LEF1: variants seen among roughly 807,000 people sequenced by gnomAD.
The protein encoded by LEF1 is lymphoid enhancer-binding factor 1.
Under a neutral mutation model 51.2 loss-of-function variants are expected in LEF1, and 14 were observed. The observed-to-expected ratio is 0.27, with a 90% CI of 0.18 to 0.43. The LOEUF is 0.43. Among genes scored for constraint, LEF1 ranks in the 20% least tolerant of loss-of-function variants. The probability of loss-of-function intolerance (pLI) is 1.00; values close to 1 mark genes in which losing one functional copy is unlikely to be tolerated. For synonymous variants in LEF1, 185 were observed against 183.2 expected (o/e 1.01, Z -0.08); for missense variants, 386 against 512.0 (o/e 0.75, Z 2.37).
intron 3 of LEF1, among the ~76,000 whole-genome samples, chr4:108,118,322 T>C (rs1741960785): frequency 6.6e-6 from 1 of 152,252 alleles, no homozygotes; most frequent in East Asian, 1.9e-4. Context: ...CATTTCTGCA[T>C]TTGCTAAACA....
intron 11 of LEF1, among the ~76,000 whole-genome samples, chr4:108,063,187 C>T (rs1737813234): frequency 6.6e-6 from 1 of 152,088 alleles, no homozygotes; most frequent in Non-Finnish European, 1.5e-5. Flanking sequence ...CATGTGATTT[C>T]AATTGAGAAA....
At position 108,139,177 on chromosome 4, in the gene LEF1, GA is replaced by G. The variant is rs200874377; in HGVS notation, c.414+24390del. 8.1e-3 allele frequency among the ~76,000 whole-genome samples: 1,234 copies of G among 152,316 alleles called. 8 individuals are homozygous for G. The highest frequency in any genetic ancestry group is 0.014 in the Middle Eastern group (4 of 294). ...AAAGTACATTCATTAATAGTTCCAA[GA>G]AATGTTCAGCCTTAGATGTGTGGAA... On this transcript the variant is annotated intron_variant, in intron 3 of 11. Transcript: ENST00000265165.
intron 3 of LEF1, among the ~76,000 whole-genome samples, chr4:108,160,698 A>G (rs138747381): frequency 1.3e-4 from 20 of 152,306 alleles, no homozygotes; most frequent in Non-Finnish European, 2.9e-4. Context: ...AATACTGTAT[A>G]TTGGTCATAG....
At chr4:108,110,389 C>T (rs1163209337) in intron 3 of LEF1, among the ~76,000 whole-genome samples, 8 of 152,162 alleles carry the variant, frequency 5.3e-5, no homozygotes, top group Admixed American at 2.6e-4. Flanking sequence ...AGCCTTACTA[C>T]GCCCCTAGTG....
At position 108,079,590 on chromosome 4, in the gene LEF1, A is replaced by G; in HGVS notation, c.747T>C (p.Gly249=). ...TGCCAGTTGTGTGGGGACCAGGAGGACCGGGAATCATATGATGGGAAAACC... is the reference window on the plus strand; with the variant it reads ...TGCCAGTTGTGTGGGGACCAGGAGGGCCGGGAATCATATGATGGGAAAACC... The part of the protein sequence containing the change: ...MSRFSHHMIP[G]PPGPHTTGIP... Residue 249 remains glycine, a synonymous_variant, in exon 7 of 12, where the codon GGT becomes GGC. Coordinates refer to ENST00000265165, the MANE Select transcript of LEF1 (RefSeq NM_016269.5). The G allele has an allele frequency of 6.2e-7, 1 of 1,614,020 alleles. No individual in the cohort carries two copies. Among genetic ancestry groups the G allele is most frequent in the East Asian group, 2.2e-5 (1 of 44,872 alleles).
At chr4:108,072,011 A>G (rs1222899959) in intron 8 of LEF1, 2 of 152,206 alleles carry the variant, frequency 1.3e-5, no homozygotes, top group African/African-American at 4.8e-5. Flanking sequence ...ACCTGTGTGC[A>G]CACACAATCT....
chr4:108,115,938 C>T (rs1741813539), intron 3 of LEF1, among the ~76,000 whole-genome samples: 1 of 151,642 alleles, frequency 6.6e-6, no homozygotes, highest in Non-Finnish European at 1.5e-5. Flanking sequence ...TTCCTCTTTA[C>T]TGCTTTCTTC....
chr4:108,111,069 A>G (rs1741503065), intron 3 of LEF1, among the ~76,000 whole-genome samples: 1 of 152,220 alleles, frequency 6.6e-6, no homozygotes, highest in Non-Finnish European at 1.5e-5. Context: ...ATATAGTGCT[A>G]ATCAATAACT....
At chr4:108,058,831 T>C (rs965932949) in intron 11 of LEF1, among the ~76,000 whole-genome samples, 3 of 152,206 alleles carry the variant, frequency 2.0e-5, no homozygotes, top group Admixed American at 1.3e-4. Context: ...CTTACAGCAG[T>C]CCTCACTAAA....
intron 3 of LEF1, among the ~76,000 whole-genome samples, chr4:108,145,875 T>C (rs951493755): frequency 3.3e-5 from 5 of 152,128 alleles, no homozygotes; most frequent in African/African-American, 1.2e-4. Flanking sequence ...AGCTAAAGGC[T>C]CTGGGGTTAC....
rs769921446 is a variant in LEF1 at position 108,078,340 on chromosome 4, T to G, written c.888A>C (p.Arg296Ser). The change falls in exon 8 of 12, where the codon AGA becomes AGC. Residue 296 changes from arginine (R) to serine (S), a missense_variant. Arg to Ser is a moderately radical substitution (Grantham distance 110, BLOSUM62 -1). Coordinates refer to ENST00000265165, the MANE Select transcript of LEF1 (RefSeq NM_016269.5). The stretch of plus-strand genomic sequence containing the variant: ...CATTCAGAGGCTTCTTAATGTGAGG[T>G]CTTTTTGGCTCCTGCTCCTTTCTCT... ...HEQRKEQEPK[R>S]PHIKKPLNAF... 1 of 1,614,122 alleles carries G rather than the reference T, an allele frequency of 6.2e-7. No individual in the cohort carries two copies. Among genetic ancestry groups the G allele is most frequent in the African/African-American group, 1.3e-5 (1 of 75,024 alleles).
chr4:108,167,187 C>T lies in LEF1; in HGVS notation c.213+368G>A, dbSNP rs1016650096. Among the ~76,000 whole-genome samples the T allele has an allele frequency of 3.3e-5, 5 of 152,154 alleles. No individual in the cohort carries two copies. The highest frequency in any genetic ancestry group is 5.9e-5 in the Non-Finnish European group (4 of 68,032). ...GTCCCACGGAAGAATTTATCAGTAG[C>T]GTTATTCAGCCCTACTCGCTTTAAA... is the stretch of plus-strand genomic sequence containing the variant. On this transcript the variant is annotated intron_variant, in intron 1 of 11. Coordinates refer to ENST00000265165, the MANE Select transcript of LEF1 (RefSeq NM_016269.5). This position sits in a 1 kb window ranked among gnomAD's most constrained non-coding sequence, Gnocchi z 5.7.
chr4:108,128,641 T>G (rs1244678079), intron 3 of LEF1, among the ~76,000 whole-genome samples: 1 of 152,184 alleles, frequency 6.6e-6, no homozygotes, highest in African/African-American at 2.4e-5. Flanking sequence ...TATGTTCATT[T>G]GAGCTAGCAA....
chr4:108,062,011 T>C (rs1737723990), intron 11 of LEF1, among the ~76,000 whole-genome samples: 1 of 152,090 alleles, frequency 6.6e-6, no homozygotes, highest in Non-Finnish European at 1.5e-5. Flanking sequence ...TAGGTCTCAG[T>C]AGGAGGAAGG....
chr4:108,116,570 C>G (rs907507139), intron 3 of LEF1, among the ~76,000 whole-genome samples: 1 of 152,170 alleles, frequency 6.6e-6, no homozygotes, highest in Non-Finnish European at 1.5e-5. Flanking sequence ...CTGAACCACA[C>G]TAGAGTACAG....
At position 108,076,275 on chromosome 4, in the gene LEF1, C is replaced by T. The variant is rs996938708; in HGVS notation, c.1008+1945G>A. ...TATTTATTTGTCTAATGTCTGTATT[C>T]TGTCATAAAACTTGAAGCTCCAGAA... is the stretch of plus-strand genomic sequence containing the variant. On this transcript the variant is annotated intron_variant, in intron 8 of 11. Coordinates refer to ENST00000265165, the MANE Select transcript of LEF1 (RefSeq NM_016269.5). Among the ~76,000 whole-genome samples the T allele has an allele frequency of 1.4e-4, 21 of 152,246 alleles. No individual in the cohort carries two copies. In the South Asian group the frequency reaches 4.4e-3, roughly 32 times the overall value.
At chr4:108,124,676 T>C (rs1742408518) in intron 3 of LEF1, among the ~76,000 whole-genome samples, 1 of 152,118 alleles carries the variant, frequency 6.6e-6, no homozygotes, top group Non-Finnish European at 1.5e-5. Flanking sequence ...AACATGAACA[T>C]TGCTTTAGCG....
At chr4:108,067,287 A>C (rs1475407223) in intron 9 of LEF1, among the ~76,000 whole-genome samples, 1 of 152,186 alleles carries the variant, frequency 6.6e-6, no homozygotes, top group Non-Finnish European at 1.5e-5. Flanking sequence ...CTTCCCACCC[A>C]TCAACATGGA....
intron 3 of LEF1, among the ~76,000 whole-genome samples, chr4:108,117,250 T>A (rs538090247): frequency 9.2e-5 from 14 of 152,200 alleles, no homozygotes; most frequent in East Asian, 3.9e-4. Context: ...AAACATTTTT[T>A]AAAAAAAACC....
Sources: allele counts gnomAD v4.1 joint callset (sites outside exome capture counted in the v4.1 genomes callset), GRCh38; gene constraint gnomAD v4.1.1; non-coding constraint Gnocchi (gnomAD v3.1); transcripts MANE v1.5; gene names NCBI Gene and HGNC (gene_info 2026-07-23, HGNC 2026-07-21).